Variants in ABCD2 observed in about 807,000 individuals in gnomAD.
ABCD2 encodes the protein ATP binding cassette subfamily D member 2.
A neutral mutation model predicts 70.9 loss-of-function variants in ABCD2; 36 were observed. That is an observed-to-expected ratio of 0.51 (90% CI 0.39 to 0.67). The LOEUF (loss-of-function observed/expected upper bound fraction) is 0.67. Ranked by LOEUF, ABCD2 falls within the 30% of genes least tolerant of loss-of-function variation. ABCD2 has a pLI of 0.00. For synonymous variants in ABCD2, 304 were observed against 306.9 expected (o/e 0.99, Z 0.10); for missense variants, 729 against 890.2 (o/e 0.82, Z 2.30).
At chr12:39,542,461 CAAA>C in the ABCD2 span, among the ~76,000 whole-genome samples, 5 of 83,068 alleles carry the variant, frequency 6.0e-5, no homozygotes, top group Admixed American at 1.4e-4. Context: ...GACTCCATCT[CAAA>C]AAAAAAAAAA....
In ABCD2 at chr12:39,618,934, G is replaced by A. The variant is rs767255509; in HGVS notation, c.682C>T (p.Leu228=). 6.2e-7 allele frequency: 1 copy of A among 1,614,224 alleles called. No homozygotes were observed. Among genetic ancestry groups the A allele is most frequent in the Non-Finnish European group, 8.5e-7 (1 of 1,180,040 alleles). The change falls in exon 1 of 10, where the codon CTG becomes TTG. Residue 228 remains leucine (L), a synonymous_variant. Coordinates refer to ENST00000308666, the MANE Select transcript of ABCD2 (RefSeq NM_005164.4). ...SQSVAHLYSN[L]TKPILDVMLT... The stretch of plus-strand genomic sequence containing the variant: ...ATTACATCTAAAATAGGTTTGGTCA[G>A]ATTGGAATACAAGTGAGCCACAGAT...
chr12:39,586,923 A>C (rs935057886), intron 6 of ABCD2, among the ~76,000 whole-genome samples: 3 of 152,174 alleles, frequency 2.0e-5, no homozygotes, highest in Admixed American at 6.5e-5. Context: ...AAAATTCAAC[A>C]ACTTGGTAAC....
At chr12:39,558,222 G>C (rs1378082657) in intron 9 of ABCD2, among the ~76,000 whole-genome samples, 1 of 152,202 alleles carries the variant, frequency 6.6e-6, no homozygotes, top group Non-Finnish European at 1.5e-5. Context: ...TTTAGGATTT[G>C]CACAGGGCCT....
intron 9 of ABCD2, among the ~76,000 whole-genome samples, chr12:39,560,675 A>G (rs964092530): frequency 3.3e-4 from 50 of 152,178 alleles, no homozygotes; most frequent in Non-Finnish European, 8.8e-5. Context: ...AAAGATGTAA[A>G]TTGTGATATT....
In ABCD2 at chr12:39,619,582, C is replaced by G; in HGVS notation, c.34G>C (p.Val12Leu). 1 of 1,610,640 alleles carries G rather than the reference C, an allele frequency of 6.2e-7. No individual in the cohort carries two copies. The highest frequency in any genetic ancestry group is 8.5e-7 in the Non-Finnish European group (1 of 1,179,934). Residue 12 changes from valine to leucine, a missense_variant, in exon 1 of 10, where the codon GTG becomes CTG. Physicochemically the swap from Val to Leu is conservative, Grantham distance 32. Transcript: ENST00000308666. ...THMLNAAADR[V>L]KWTRSSAAKR... Reference sequence around the variant, plus strand: ...GCAGCACTCGATCTGGTCCATTTCACTCGATCAGCTGCTGCATTTAGCATA... The same window carrying G: ...GCAGCACTCGATCTGGTCCATTTCAGTCGATCAGCTGCTGCATTTAGCATA...
At chr12:39,535,459 G>C in the ABCD2 span, among the ~76,000 whole-genome samples, 1 of 152,082 alleles carries the variant, frequency 6.6e-6, no homozygotes, top group South Asian at 2.1e-4. Context: ...ATCTCCATTA[G>C]TATCAAAGGT....
intron 9 of ABCD2, 107 bp from the exon 10 acceptor site, chr12:39,554,238 G>T: frequency 9.5e-7 from 1 of 1,055,514 alleles, no homozygotes; most frequent in Non-Finnish European, 1.3e-6. Context: ...TTAAGTAGGT[G>T]CTATTTTACA....
At chr12:39,604,322 C>T (rs1941941194) in intron 4 of ABCD2, among the ~76,000 whole-genome samples, 1 of 151,864 alleles carries the variant, frequency 6.6e-6, no homozygotes, top group Non-Finnish European at 1.5e-5. Context: ...TACTCTATTT[C>T]CCTAAATTAA....
At chr12:39,548,759 T>C (rs969643389), downstream of ABCD2, among the ~76,000 whole-genome samples, 2 of 151,884 alleles carry the variant, frequency 1.3e-5, no homozygotes, top group African/African-American at 2.4e-5. Context: ...AATTAAATGA[T>C]ATAGCCAAGT....
Position 39,603,991 on chromosome 12 carries a change from A to G in ABCD2, c.1421T>C (p.Val474Ala), listed in dbSNP as rs1566580469. ...TLAIKGKVID[V>A]DHGIICENVP... ...ATTTTCACAAATAATTCCGTGATCC[A>G]CATCAATAACTTTTCCTGTAATTAA... Residue 474 changes from valine (V) to alanine (A), a missense_variant, in exon 5 of 10, where the codon GTG (valine) becomes GCG (alanine). Coordinates refer to ENST00000308666, the MANE Select transcript of ABCD2 (RefSeq NM_005164.4). 9 of 1,611,148 alleles carry G rather than the reference A, an allele frequency of 5.6e-6. No homozygotes were observed. Among genetic ancestry groups the G allele is most frequent in the Non-Finnish European group, 7.6e-6 (9 of 1,177,972 alleles).
intron 7 of ABCD2, among the ~76,000 whole-genome samples, chr12:39,583,467 T>C (rs922448430): frequency 6.6e-6 from 1 of 152,206 alleles, no homozygotes; most frequent in Non-Finnish European, 1.5e-5. Context: ...TCAAATTATA[T>C]GAATTATTGA....
Position 39,604,009 on chromosome 12 carries a change from G to C in ABCD2, c.1406-3C>G. ...GTGATCCACATCAATAACTTTTCCT[G>C]TAATTAAGAAAAAGTGTAAGATACA... On this transcript the variant is annotated splice_region_variant and splice_polypyrimidine_tract_variant and intron_variant, in intron 4 of 9. Transcript: ENST00000308666. 6.3e-7 allele frequency: 1 copy of C among 1,592,312 alleles called. No homozygotes were observed. The highest frequency in any genetic ancestry group is 8.6e-7 in the Non-Finnish European group (1 of 1,162,432).
chr12:39,535,887 A>T, the ABCD2 span, among the ~76,000 whole-genome samples: 3 of 152,330 alleles, frequency 2.0e-5, no homozygotes, highest in Admixed American at 1.3e-4. Context: ...TCATGCCTGT[A>T]ATCCCAGCAC....
At chr12:39,579,507 A>G (rs770513449) in intron 8 of ABCD2, 28 bp downstream of exon 8, 2 of 1,531,234 alleles carry the variant, frequency 1.3e-6, no homozygotes, top group South Asian at 2.3e-5. Flanking sequence ...ACAATGGCCT[A>G]GTAGTTACCT....
chr12:39,586,405 TTC>T, intron 6 of ABCD2, 108 bp from the exon 7 acceptor site: 1 of 1,095,240 alleles, frequency 9.1e-7, no homozygotes, highest in Non-Finnish European at 1.3e-6. Context: ...AACACTACAT[TTC>T]CAGGATGATA....
At chr12:39,585,498 C>A (rs1367362739) in intron 7 of ABCD2, among the ~76,000 whole-genome samples, 1 of 151,984 alleles carries the variant, frequency 6.6e-6, no homozygotes, top group African/African-American at 2.4e-5. Flanking sequence ...TATGTGAATG[C>A]CCTTTATTTC....
chr12:39,564,965 C>A (rs942905112), intron 9 of ABCD2, among the ~76,000 whole-genome samples: 1 of 152,130 alleles, frequency 6.6e-6, no homozygotes, highest in African/African-American at 2.4e-5. Flanking sequence ...TTTCTGAGGG[C>A]TCTGTTCTGT....
chr12:39,579,774 T>C (rs750863034), intron 7 of ABCD2, among the ~76,000 whole-genome samples, 155 bp from the exon 8 acceptor site: 13 of 152,234 alleles, frequency 8.5e-5, no homozygotes, highest in Admixed American at 5.2e-4. Flanking sequence ...CAGAGCCTCA[T>C]GTATAAGCAT....
In ABCD2 at chr12:39,616,983, A is replaced by G; in HGVS notation, c.1120+5T>C. On this transcript the variant is annotated splice_donor_5th_base_variant and intron_variant, in intron 2 of 9. Transcript: ENST00000308666. ...ATATTTGAGATTAAGCATAAATGTC[A>G]TTACCACCATCTGCAAAGCCAGTTG... The G allele has an allele frequency of 6.3e-7, 1 of 1,576,634 alleles. No individual in the cohort carries two copies.
Sources: gnomAD v4.1 joint callset for allele counts (sites outside exome capture counted in the v4.1 genomes callset) on GRCh38, gnomAD v4.1.1 for gene constraint, MANE v1.5 for transcripts, NCBI Gene and HGNC (gene_info 2026-07-23, HGNC 2026-07-21) for gene names.